The following INPP4B variants were observed in gnomAD, a reference collection of about 807,000 sequenced individuals.
INPP4B encodes the protein inositol polyphosphate 4-phosphatase type II.
INPP4B carries 55 observed loss-of-function variants against 122.5 expected under a neutral mutation model. The ratio of observed to expected loss-of-function variants is 0.45; its 90% CI spans 0.36 to 0.56. INPP4B has a LOEUF of 0.56. INPP4B is among the 20% of genes least tolerant of loss of function. The probability of loss-of-function intolerance (pLI) is 0.00; values close to 1 mark genes in which losing one functional copy is unlikely to be tolerated. For missense variants in INPP4B, 1,000 were observed against 1,097.7 expected (o/e 0.91, Z 1.26); for synonymous variants, 403 against 388.7 (o/e 1.04, Z -0.43).
chr4:142,101,401 A>G (rs964494160), intron 23 of INPP4B, among the ~76,000 whole-genome samples: 1 of 152,116 alleles, frequency 6.6e-6, no homozygotes, highest in African/African-American at 2.4e-5. Flanking sequence ...ACTATGAAGG[A>G]AATACTTAAG....
chr4:142,050,536 ATGGGATTC>A (rs1190351782), intron 25 of INPP4B, among the ~76,000 whole-genome samples: 5 of 152,032 alleles, frequency 3.3e-5, no homozygotes, highest in African/African-American at 1.2e-4. Flanking sequence ...TATATATATT[ATGGGATTC>A]TCAACTCCAT....
At chr4:142,140,180 G>C (rs529369220) in intron 18 of INPP4B, among the ~76,000 whole-genome samples, 5 of 152,200 alleles carry the variant, frequency 3.3e-5, no homozygotes, top group Non-Finnish European at 7.3e-5. Context: ...TCTACATGGA[G>C]GTTTACTGCC....
At chr4:142,339,828 A>T (rs1778062739) in intron 7 of INPP4B, among the ~76,000 whole-genome samples, 1 of 152,080 alleles carries the variant, frequency 6.6e-6, no homozygotes, top group Admixed American at 6.5e-5. Flanking sequence ...TCCTCATTGT[A>T]TAGATCTCTT....
intron 9 of INPP4B, among the ~76,000 whole-genome samples, chr4:142,294,762 A>G (rs1385028486): frequency 1.4e-5 from 2 of 147,166 alleles, no homozygotes; most frequent in African/African-American, 2.5e-5. Flanking sequence ...TAGAGATGAA[A>G]CTGAAAAAGC....
chr4:142,123,277 TA>T lies in INPP4B; in HGVS notation c.2017+14del. 3 of 1,570,632 alleles carry T rather than the reference TA, an allele frequency of 1.9e-6. No individual in the cohort carries two copies. Among genetic ancestry groups the T allele is most frequent in the Non-Finnish European group, 2.6e-6 (3 of 1,159,294 alleles). On this transcript the variant is annotated intron_variant, in intron 20 of 25. Transcript: ENST00000262992. ...ATAGAAATGTGATTTTAACTTGTAC[TA>T]AAGCAATACTCACTGTATGTACTTA...
intron 25 of INPP4B, among the ~76,000 whole-genome samples, chr4:142,047,104 G>A (rs1043737543): frequency 6.6e-6 from 1 of 152,094 alleles, no homozygotes; most frequent in Non-Finnish European, 1.5e-5. Flanking sequence ...ACGATTCTCT[G>A]CAATAATGCT....
At chr4:142,517,110 C>A (rs1196252533) in intron 2 of INPP4B, among the ~76,000 whole-genome samples, 1 of 152,002 alleles carries the variant, frequency 6.6e-6, no homozygotes, top group African/African-American at 2.4e-5. Context: ...ACAATTCCCA[C>A]CTTCCACCCT....
At chr4:142,242,245 C>T (rs992967023) in intron 11 of INPP4B, among the ~76,000 whole-genome samples, 1 of 151,992 alleles carries the variant, frequency 6.6e-6, no homozygotes, top group African/African-American at 2.4e-5. Context: ...AGAAATTTTA[C>T]AAAAACACTA....
chr4:142,328,094 GT>G (rs1159649645), intron 7 of INPP4B, among the ~76,000 whole-genome samples: 38 of 151,976 alleles, frequency 2.5e-4, no homozygotes, highest in Non-Finnish European at 2.9e-5. Context: ...AAGAAACACT[GT>G]TTTGCAGTGT....
At chr4:142,341,353 C>T (rs532440596) in intron 7 of INPP4B, among the ~76,000 whole-genome samples, 4 of 152,120 alleles carry the variant, frequency 2.6e-5, no homozygotes, top group South Asian at 2.1e-4. Flanking sequence ...AACCTAGCAA[C>T]GTATGCACAG....
At chr4:142,701,873 A>T (rs1465286883) in intron 2 of INPP4B, among the ~76,000 whole-genome samples, 1 of 152,242 alleles carries the variant, frequency 6.6e-6, no homozygotes, top group Non-Finnish European at 1.5e-5. Flanking sequence ...CACAATAAAT[A>T]TTTGTATTTA....
chr4:142,587,653 C>T (rs1328809278), intron 2 of INPP4B, among the ~76,000 whole-genome samples: 1 of 152,038 alleles, frequency 6.6e-6, no homozygotes, highest in Non-Finnish European at 1.5e-5. Flanking sequence ...ATGTCCATCA[C>T]CTCAAGCATT....
chr4:142,545,703 A>ATGTGTG (rs1553955885), intron 2 of INPP4B, among the ~76,000 whole-genome samples: 4,110 of 114,322 alleles, frequency 0.036, 171 homozygotes, highest in Middle Eastern at 0.082. Flanking sequence ...ATATGTGTAT[A>ATGTGTG]TATATGTGTG....
rs148825093 is a variant in INPP4B at position 142,580,688 on chromosome 4, C to A, written c.-190-117962G>T. ...GATTTTCTCATTAGCTTCACCTCCA[C>A]CCCCAAAATGCCTGAGACATTTTTG... On this transcript the variant is annotated intron_variant, in intron 2 of 25. Transcript: ENST00000262992. 3.3e-3 allele frequency among the ~76,000 whole-genome samples: 496 copies of A among 152,130 alleles called. 7 individuals are homozygous for A. The highest frequency in any genetic ancestry group is 0.018 in the East Asian group (92 of 5,152).
intron 17 of INPP4B, among the ~76,000 whole-genome samples, chr4:142,159,745 A>G (rs2645806): frequency 0.99 from 151,020 of 152,040 alleles, 75,011 homozygotes; most frequent in East Asian, 1. Context: ...TTCTCCCATC[A>G]TATTCGGCCC....
chr4:142,253,626 C>T (rs965337562), intron 11 of INPP4B, among the ~76,000 whole-genome samples: 20 of 152,268 alleles, frequency 1.3e-4, no homozygotes, highest in Admixed American at 5.2e-4. Context: ...CAATCCCACC[C>T]GAATACTGTG....
intron 7 of INPP4B, among the ~76,000 whole-genome samples, chr4:142,358,216 T>C (rs1784244399): frequency 6.6e-6 from 1 of 152,048 alleles, no homozygotes; most frequent in African/African-American, 2.4e-5. Flanking sequence ...CTGGTGGCAA[T>C]ACTGCCTAAA....
At chr4:142,591,689 A>G (rs1737535580) in intron 2 of INPP4B, among the ~76,000 whole-genome samples, 1 of 152,172 alleles carries the variant, frequency 6.6e-6, no homozygotes, top group Non-Finnish European at 1.5e-5. Flanking sequence ...AGTGATCCAC[A>G]TGATCCTCAA....
At chr4:142,299,989 T>A (rs1760707490) in intron 9 of INPP4B, among the ~76,000 whole-genome samples, 1 of 152,174 alleles carries the variant, frequency 6.6e-6, no homozygotes, top group African/African-American at 2.4e-5. Flanking sequence ...ATTCCATGCT[T>A]AAAGTAAGAA....
Sources: gnomAD v4.1 joint callset for allele counts (sites outside exome capture counted in the v4.1 genomes callset) on GRCh38, gnomAD v4.1.1 for gene constraint, MANE v1.5 for transcripts, NCBI Gene and HGNC (gene_info 2026-07-23, HGNC 2026-07-21) for gene names.